Variants in UBE2F observed in about 807,000 individuals in gnomAD.
UBE2F encodes NEDD8-conjugating enzyme UBE2F.
UBE2F carries 5 observed loss-of-function variants against 29.6 expected under a neutral mutation model. The observed-to-expected ratio is 0.17, with a 90% confidence interval of 0.09 to 0.36. The LOEUF (loss-of-function observed/expected upper bound fraction) is 0.36, where lower values mean the gene tolerates loss of function less well. Ranked by LOEUF, UBE2F falls within the 10% of genes least tolerant of loss-of-function variation. The pLI is 1.00. For synonymous variants in UBE2F, 66 were observed against 81.8 expected (o/e 0.81, Z 1.04); for missense variants, 141 against 228.5 (o/e 0.62, Z 2.47).
At chr2:238,037,161 G>A (rs1235144656) in intron 9 of UBE2F, among the ~76,000 whole-genome samples, 1 of 151,900 alleles carries the variant, frequency 6.6e-6, no homozygotes, top group Non-Finnish European at 1.5e-5. Flanking sequence ...TTCATTTCAG[G>A]AGCCACACTG....
intron 4 of UBE2F, among the ~76,000 whole-genome samples, chr2:238,015,777 A>T (rs530517390): frequency 1.5e-3 from 234 of 152,298 alleles, no homozygotes; most frequent in Non-Finnish European, 2.8e-3. Flanking sequence ...AATTGAGAAT[A>T]ATTTATTTCC....
intron 2 of UBE2F, among the ~76,000 whole-genome samples, chr2:237,984,996 C>CA (rs55984976): frequency 7.8e-4 from 101 of 129,976 alleles, no homozygotes; most frequent in South Asian, 3.7e-3. Context: ...TGGAAAAAGG[C>CA]AAAAAAAAAA....
At chr2:238,016,496 T>G in intron 4 of UBE2F, 70 bp from the exon 5 acceptor site, 2 of 1,318,808 alleles carry the variant, frequency 1.5e-6, no homozygotes, top group Non-Finnish European at 2.1e-6. Flanking sequence ...CCTAACAGAG[T>G]GTTTGCTTTT....
chr2:238,021,237 G>A (rs907198379), intron 5 of UBE2F, among the ~76,000 whole-genome samples: 3 of 152,174 alleles, frequency 2.0e-5, no homozygotes, highest in Non-Finnish European at 4.4e-5. Flanking sequence ...GACTAAGGAA[G>A]GCCAGTCCTG....
intron 4 of UBE2F, among the ~76,000 whole-genome samples, chr2:237,999,772 A>G (rs1158630109): frequency 2.0e-5 from 3 of 150,808 alleles, no homozygotes; most frequent in Non-Finnish European, 2.9e-5. Context: ...GTAGCTTTAT[A>G]TAGTACTTAT....
intron 4 of UBE2F, among the ~76,000 whole-genome samples, chr2:237,997,067 C>T (rs1232187471): frequency 6.6e-6 from 1 of 151,710 alleles, no homozygotes; most frequent in African/African-American, 2.4e-5. Context: ...ACTAAACATA[C>T]AAAAAAATTA....
At chr2:237,984,588 C>G (rs2063442335) in intron 2 of UBE2F, among the ~76,000 whole-genome samples, 2 of 152,200 alleles carry the variant, frequency 1.3e-5, no homozygotes. Flanking sequence ...CCTCAGTCCC[C>G]ACAGCTGGAG....
chr2:237,990,884 G>A (rs1175533720), intron 3 of UBE2F, among the ~76,000 whole-genome samples: 2 of 152,094 alleles, frequency 1.3e-5, no homozygotes, highest in Non-Finnish European at 2.9e-5. Context: ...CTAAAGAGCT[G>A]AGATGACAGG....
chr2:237,994,837 G>A, intron 4 of UBE2F, 28 bp downstream of exon 4: 1 of 1,586,404 alleles, frequency 6.3e-7, no homozygotes, highest in Non-Finnish European at 8.7e-7. Context: ...GTATTAAAGT[G>A]ATTTCAAACA....
intron 4 of UBE2F, among the ~76,000 whole-genome samples, chr2:238,009,629 G>A (rs1195730150): frequency 6.6e-6 from 1 of 152,172 alleles, no homozygotes; most frequent in Non-Finnish European, 1.5e-5. Context: ...TACAATAGCT[G>A]TCATTGTGCC....
At chr2:237,977,777 G>A (rs1159605236) in intron 2 of UBE2F, among the ~76,000 whole-genome samples, 1 of 152,124 alleles carries the variant, frequency 6.6e-6, no homozygotes, top group African/African-American at 2.4e-5. Context: ...GAGTGTTGGA[G>A]TTCAGAAAGA....
At chr2:238,035,975 A>T (rs750094806) in intron 9 of UBE2F, 35 bp downstream of exon 9, 2 of 1,573,642 alleles carry the variant, frequency 1.3e-6, no homozygotes, top group East Asian at 2.2e-5. Flanking sequence ...AGGTTGATGT[A>T]CTTGTCACGA....
chr2:237,973,320 T>C (rs1365794953), intron 2 of UBE2F, 95 bp downstream of exon 2: 6 of 1,334,886 alleles, frequency 4.5e-6, no homozygotes, highest in African/African-American at 1.5e-5. Context: ...TACTGCTGAA[T>C]AGAAATACCT....
chr2:237,970,411 G>C (rs927255861), intron 1 of UBE2F, among the ~76,000 whole-genome samples: 1 of 152,188 alleles, frequency 6.6e-6, no homozygotes, highest in Non-Finnish European at 1.5e-5. Flanking sequence ...ATCCACAAGA[G>C]GGAAACTAGT....
chr2:237,975,961 T>C (rs1351350652), intron 2 of UBE2F, among the ~76,000 whole-genome samples: 1 of 152,206 alleles, frequency 6.6e-6, no homozygotes, highest in Non-Finnish European at 1.5e-5. Flanking sequence ...TTACTCTCCT[T>C]CTGCCCCTGA....
intron 9 of UBE2F, 102 bp downstream of exon 9, chr2:238,036,042 T>C (rs2064700698): frequency 1.9e-6 from 2 of 1,046,688 alleles, no homozygotes; most frequent in African/African-American, 3.2e-5. Context: ...ACCAAGAGAG[T>C]GGTGGGATGC....
intron 1 of UBE2F, among the ~76,000 whole-genome samples, chr2:237,971,966 A>G (rs994402509): frequency 1.3e-5 from 2 of 152,190 alleles, no homozygotes; most frequent in Non-Finnish European, 2.9e-5. Context: ...AATCTTAAAC[A>G]AATTGTGGCA....
intron 4 of UBE2F, among the ~76,000 whole-genome samples, chr2:237,996,961 C>G (rs1269541017): frequency 6.6e-6 from 1 of 152,148 alleles, no homozygotes; most frequent in Non-Finnish European, 1.5e-5. Flanking sequence ...GTGGCTCATG[C>G]CTGTAATTCC....
At chr2:238,001,563 A>G (rs1469899992) in intron 4 of UBE2F, among the ~76,000 whole-genome samples, 1 of 152,122 alleles carries the variant, frequency 6.6e-6, no homozygotes, top group Non-Finnish European at 1.5e-5. Context: ...CATGCCTGTA[A>G]TGCCAGCATT....
Sources: allele counts gnomAD v4.1 joint callset (sites outside exome capture counted in the v4.1 genomes callset), GRCh38; gene constraint gnomAD v4.1.1; transcripts MANE v1.5; gene names NCBI Gene and HGNC (gene_info 2026-07-23, HGNC 2026-07-21).